The following LMNB1 variants were observed in gnomAD, a reference collection of about 807,000 sequenced individuals.
LMNB1 encodes lamin B1, also known as lamin-B1.
A neutral mutation model predicts 67.1 loss-of-function variants in LMNB1; 23 were observed. The observed-to-expected ratio is 0.34, with a 90% confidence interval of 0.25 to 0.49. The LOEUF is 0.49. Ranked by LOEUF, LMNB1 falls within the 20% of genes least tolerant of loss-of-function variation. The probability of loss-of-function intolerance (pLI) is 0.99; values close to 1 mark genes in which losing one functional copy is unlikely to be tolerated. For synonymous variants in LMNB1, 281 were observed against 282.9 expected (o/e 0.99, Z 0.07); for missense variants, 634 against 746.5 (o/e 0.85, Z 1.76).
At chr5:126,822,724 T>A in intron 7 of LMNB1, 57 bp from the exon 8 acceptor site, 1 of 1,038,756 alleles carries the variant, frequency 9.6e-7, no homozygotes, top group Non-Finnish European at 1.5e-6. Flanking sequence ...TATTTGATTA[T>A]TCCACAACTT....
In LMNB1 at chr5:126,836,593, C is replaced by T; in HGVS notation, c.*329C>T. On this transcript the variant is annotated 3_prime_UTR_variant, in exon 11 of 11. Coordinates refer to ENST00000261366, the MANE Select transcript of LMNB1 (RefSeq NM_005573.4). ...TTATGAGGAGGGGAGGGTAAATAAA[C>T]CACTGTGCGTCTTGGTGTAATTTGA... 1 of 344,528 alleles carries T rather than the reference C, an allele frequency of 2.9e-6. No homozygotes were observed. Among genetic ancestry groups the T allele is most frequent in the Non-Finnish European group, 5.1e-6 (1 of 194,826 alleles). The allele number at this position is 344,528 out of a possible 1,614,324, so 21.3% of individuals were successfully genotyped here. A position where few individuals can be genotyped will look rare whatever the true frequency, so the allele number is the denominator to read the frequency against.
rs1426519057 is a variant in LMNB1 at position 126,777,490 on chromosome 5, G to C, written c.-19G>C. 3.0e-6 allele frequency: 4 copies of C among 1,315,276 alleles called. No individual in the cohort carries two copies. Among genetic ancestry groups the C allele is most frequent in the Non-Finnish European group, 2.9e-6 (3 of 1,035,360 alleles). The allele number at this position is 1,315,276 out of a possible 1,614,324, so 81.5% of individuals were successfully genotyped here. A position where few individuals can be genotyped will look rare whatever the true frequency, so the allele number is the denominator to read the frequency against. ...GTCCCGCTCGCGGCCTCGCCGCCCC[G>C]CTGTCTCCGCCGCCCGCCATGGCGA... On this transcript the variant is annotated 5_prime_UTR_variant, in exon 1 of 11. Coordinates refer to ENST00000261366, the MANE Select transcript of LMNB1 (RefSeq NM_005573.4).
chr5:126,814,540 G>GT (rs202142686), intron 5 of LMNB1, among the ~76,000 whole-genome samples: 2,502 of 136,514 alleles, frequency 0.018, 47 homozygotes, highest in African/African-American at 0.053. Flanking sequence ...TTGCAAGTTG[G>GT]TTTTTTTTTT....
At chr5:126,803,429 G>A (rs1271398979) in intron 1 of LMNB1, among the ~76,000 whole-genome samples, 1 of 151,294 alleles carries the variant, frequency 6.6e-6, no homozygotes, top group African/African-American at 2.4e-5. Flanking sequence ...TGTATTTTTA[G>A]TAGAGACGGG....
intron 1 of LMNB1, among the ~76,000 whole-genome samples, chr5:126,784,658 A>AT (rs35792214): frequency 0.019 from 2,137 of 113,304 alleles, 46 homozygotes; most frequent in African/African-American, 0.056. Flanking sequence ...CCTGGCTTGA[A>AT]TTTTTTTTTT....
chr5:126,832,129 G>A (rs565806064), intron 9 of LMNB1, among the ~76,000 whole-genome samples: 4 of 152,238 alleles, frequency 2.6e-5, no homozygotes, highest in South Asian at 4.2e-4. Context: ...TTAGCCGCAC[G>A]TGGTGGTGCA....
At chr5:126,834,136 A>C (rs1473021023) in intron 10 of LMNB1, among the ~76,000 whole-genome samples, 1 of 152,028 alleles carries the variant, frequency 6.6e-6, no homozygotes, top group East Asian at 1.9e-4. Context: ...TCTATGATTT[A>C]AGAGTTTAGT....
Position 126,836,532 on chromosome 5 carries a change from T to A in LMNB1, c.*268T>A. ...AGGGGTTCCTCAAATTTTTTGACTT[T>A]TTTTGTATGTGTGTTTTTTCTTTTT... On this transcript the variant is annotated 3_prime_UTR_variant, in exon 11 of 11. Coordinates refer to ENST00000261366, the MANE Select transcript of LMNB1 (RefSeq NM_005573.4). The A allele has an allele frequency of 1.1e-5, 4 of 363,154 alleles. No individual in the cohort carries two copies. The highest frequency in any genetic ancestry group is 1.9e-5 in the Non-Finnish European group (4 of 205,388). The allele number at this position is 363,154 out of a possible 1,614,324, so 22.5% of individuals were successfully genotyped here.
At position 126,826,087 on chromosome 5, in the gene LMNB1, T is replaced by C. The variant is rs1369823098; in HGVS notation, c.1591T>C (p.Leu531=). 2 of 1,612,854 alleles carry C rather than the reference T, an allele frequency of 1.2e-6. No individual in the cohort carries two copies. The highest frequency in any genetic ancestry group is 1.7e-6 in the Non-Finnish European group (2 of 1,179,154). The change falls in exon 9 of 11, where the codon TTG becomes CTG. Residue 531 remains leucine, a synonymous_variant. Transcript: ENST00000261366. ...CACTGGCGAAGATGTGAAGGTTATA[T>C]TGAAAAATTCTCAGGGAGAGGTATG... ...WGTGEDVKVI[L]KNSQGEEVAQ... is the part of the protein sequence containing the mutation.
At chr5:126,782,393 G>T (rs1444950795) in intron 1 of LMNB1, among the ~76,000 whole-genome samples, 1 of 152,186 alleles carries the variant, frequency 6.6e-6, no homozygotes, top group Non-Finnish European at 1.5e-5. Context: ...ACTCTATCAT[G>T]AAACATTTCT....
At chr5:126,786,620 C>T (rs761894022) in intron 1 of LMNB1, among the ~76,000 whole-genome samples, 1 of 152,280 alleles carries the variant, frequency 6.6e-6, no homozygotes, top group African/African-American at 2.4e-5. Flanking sequence ...AGGTATTACT[C>T]TGGTTTACCG....
intron 6 of LMNB1, 69 bp from the exon 7 acceptor site, chr5:126,820,839 GTT>G (rs34618438): frequency 5.2e-3 from 5,450 of 1,044,180 alleles, no homozygotes; most frequent in Non-Finnish European, 5.7e-3. Context: ...TTGTTTTTTT[GTT>G]TTTTTTTTTT....
chr5:126,801,150 A>AT (rs1434888234), intron 1 of LMNB1, among the ~76,000 whole-genome samples: 2 of 148,400 alleles, frequency 1.3e-5, no homozygotes, highest in Non-Finnish European at 3.0e-5. Flanking sequence ...CGCCTGGCTA[A>AT]TTTTTTTTAT....
chr5:126,804,898 G>C lies in LMNB1; in HGVS notation c.482G>C (p.Gly161Ala), dbSNP rs754635429. 1.6e-5 allele frequency: 26 copies of C among 1,613,990 alleles called. No individual in the cohort carries two copies. Among genetic ancestry groups the C allele is most frequent in the Non-Finnish European group, 1.9e-5 (23 of 1,179,980 alleles). Residue 161 changes from glycine to alanine, a missense_variant, in exon 2 of 11, where the codon GGA becomes GCA. Transcript: ENST00000261366. ...TALGDKKSLEGDLEDLKDQIA... is the reference protein window; with the variant it reads ...TALGDKKSLEADLEDLKDQIA... ...CTTGGTGACAAAAAAAGTTTAGAGG[G>C]AGATTTGGAGGATCTGAAGGATCAG...
At chr5:126,805,127 A>G (rs144554890) in intron 2 of LMNB1, among the ~76,000 whole-genome samples, 195 bp downstream of exon 2, 1 of 152,322 alleles carries the variant, frequency 6.6e-6, no homozygotes, top group African/African-American at 2.4e-5. Flanking sequence ...CCCAGGCATT[A>G]TATCTGGATT....
rs1752009755 is a variant in LMNB1, at chr5:126,826,857, G to A, written c.1611+750G>A. On this transcript the variant is annotated intron_variant, in intron 9 of 10. Coordinates refer to ENST00000261366, the MANE Select transcript of LMNB1 (RefSeq NM_005573.4). ...TTTGAGTCCCTCCTTTGTTGCTATT[G>A]CCATAAGCATGTTAATGGAGCTTTT... Among the ~76,000 whole-genome samples the A allele has an allele frequency of 2.0e-5, 3 of 152,148 alleles. No individual in the cohort carries two copies. The South Asian group carries it at 6.2e-4, about 32-fold the overall frequency.
At chr5:126,805,071 T>A in intron 2 of LMNB1, 139 bp downstream of exon 2, 1 of 794,418 alleles carries the variant, frequency 1.3e-6, no homozygotes, top group Non-Finnish European at 1.9e-6. Context: ...GATGGTTTAC[T>A]TGAAGAAAAG....
At chr5:126,812,575 ACATATACTC>A (rs760313730) in intron 5 of LMNB1, among the ~76,000 whole-genome samples, 12 of 152,206 alleles carry the variant, frequency 7.9e-5, no homozygotes, top group Non-Finnish European at 1.8e-4. Flanking sequence ...GACACAAAGT[ACATATACTC>A]CATATACTGC....
At chr5:126,824,008 A>G (rs568098998) in intron 8 of LMNB1, among the ~76,000 whole-genome samples, 66 of 152,322 alleles carry the variant, frequency 4.3e-4, no homozygotes, top group Non-Finnish European at 7.9e-4. Flanking sequence ...TATGCCAATC[A>G]TGTGCTTTTT....
Sources: gnomAD v4.1 joint callset for allele counts (sites outside exome capture counted in the v4.1 genomes callset) on GRCh38, gnomAD v4.1.1 for gene constraint, MANE v1.5 for transcripts, NCBI Gene and HGNC (gene_info 2026-07-23, HGNC 2026-07-21) for gene names.